The following RESF1 variants were observed in gnomAD, a reference collection of about 807,000 sequenced individuals.
The protein encoded by RESF1 is gonad expressed transcript.
A neutral mutation model predicts 134.7 loss-of-function variants in RESF1; 65 were observed. That is an observed-to-expected ratio of 0.48 (90% confidence interval 0.40 to 0.59). RESF1 has a LOEUF of 0.59. Among genes scored for constraint, RESF1 ranks in the 20% least tolerant of loss-of-function variants. The pLI is 0.00. For synonymous variants in RESF1, 762 were observed against 702.2 expected (o/e 1.09, Z -1.35); for missense variants, 2,274 against 2,002.7 (o/e 1.14, Z -2.59).
At chr12:31,992,266 C>G (rs574868787) in intron 5 of RESF1, 112 bp from the exon 6 acceptor site, 14 of 928,040 alleles carry the variant, frequency 1.5e-5, no homozygotes, top group Non-Finnish European at 2.3e-5. Flanking sequence ...TGCTTAACTC[C>G]TTGCCTTAAT....
chr12:31,985,398 A>G lies in RESF1; in HGVS notation c.4443A>G (p.Pro1481=), dbSNP rs1165205458. Residue 1481 remains proline, a synonymous_variant, in exon 4 of 6, where the codon CCA becomes CCG. Transcript: ENST00000312561. ...NVPCDSEHMR[P]SKLAVQVESC... ...CATGTGATTCTGAACATATGAGACC[A>G]AGTAAACTTGCCGTGCAGGTTGAAA... The G allele has an allele frequency of 1.2e-6, 2 of 1,604,570 alleles. No homozygotes were observed. The highest frequency in any genetic ancestry group is 1.3e-5 in the African/African-American group (1 of 74,210).
At chr12:31,986,188 A>G (rs1447422990) in intron 4 of RESF1, among the ~76,000 whole-genome samples, 2 of 152,214 alleles carry the variant, frequency 1.3e-5, no homozygotes, top group African/African-American at 4.8e-5. Flanking sequence ...ATGACGAGCT[A>G]TATGTAAAAC....
At chr12:31,972,905 TTTATTCCTTTC>T (rs1439617165) in intron 3 of RESF1, among the ~76,000 whole-genome samples, 6 of 152,200 alleles carry the variant, frequency 3.9e-5, no homozygotes, top group African/African-American at 1.4e-4. Flanking sequence ...GTCTCGTCTT[TTTATTCCTTTC>T]TTATTCCTTA....
At position 31,983,998 on chromosome 12, in the gene RESF1, G is replaced by T; in HGVS notation, c.3043G>T (p.Ala1015Ser). Residue 1015 changes from alanine to serine, a missense_variant, in exon 4 of 6, where the codon GCT becomes TCT. Ala to Ser is a moderately conservative substitution (Grantham distance 99). Transcript: ENST00000312561. ...STANDTCSSA[A>S]IQEDIYPQEI... Reference sequence around the variant, plus strand: ...AGCTAACGATACGTGCTCGTCAGCTGCTATTCAGGAGGATATTTACCCTCA... The same window carrying T: ...AGCTAACGATACGTGCTCGTCAGCTTCTATTCAGGAGGATATTTACCCTCA... The T allele has an allele frequency of 6.2e-7, 1 of 1,613,888 alleles. No homozygotes were observed. The highest frequency in any genetic ancestry group is 8.5e-7 in the Non-Finnish European group (1 of 1,179,948).
In RESF1 at chr12:31,985,024, T is replaced by G. The variant is rs1381058423; in HGVS notation, c.4069T>G (p.Leu1357Val). 2 of 1,591,824 alleles carry G rather than the reference T, an allele frequency of 1.3e-6. No homozygotes were observed. The highest frequency in any genetic ancestry group is 2.3e-5 in the South Asian group (2 of 85,770). The stretch of plus-strand genomic sequence containing the variant: ...GAAGCATAGTTCTTTGGGACAGTCA[T>G]TATCACCAGAAAAGATAAAATTGAA... Reference protein sequence around the residue: ...YKKHSSLGQSLSPEKIKLKLK... With the variant: ...YKKHSSLGQSVSPEKIKLKLK... Residue 1357 changes from leucine (L) to valine (V), a missense_variant, in exon 4 of 6, where the codon TTA becomes GTA. Leu to Val is a conservative substitution (Grantham distance 32). Coordinates refer to ENST00000312561, the MANE Select transcript of RESF1 (RefSeq NM_018169.4).
chr12:31,979,504 G>C lies in RESF1; in HGVS notation c.-78-1374G>C, dbSNP rs143793246. Among the ~76,000 whole-genome samples, 1,211 of 152,084 alleles carry C rather than the reference G, an allele frequency of 8.0e-3. 16 individuals carry two copies. The highest frequency in any genetic ancestry group is 0.027 in the African/African-American group (1,125 of 41,460). On this transcript the variant is annotated intron_variant, in intron 3 of 5. Coordinates refer to ENST00000312561, the MANE Select transcript of RESF1 (RefSeq NM_018169.4). Reference sequence around the variant, plus strand: ...GCACTTCAGTGTGTTCTGTTCACCAGCCCAGAAGCTCGGCTCATCACATCT... The same window carrying C: ...GCACTTCAGTGTGTTCTGTTCACCACCCCAGAAGCTCGGCTCATCACATCT...
At chr12:31,975,274 G>A (rs1939606702) in intron 3 of RESF1, among the ~76,000 whole-genome samples, 1 of 151,844 alleles carries the variant, frequency 6.6e-6, no homozygotes, top group Non-Finnish European at 1.5e-5. Context: ...GAAAAAAAAA[G>A]AAAAAGAAAA....
chr12:31,985,187 T>G lies in RESF1; in HGVS notation c.4232T>G (p.Leu1411Trp). Residue 1411 changes from leucine (L) to tryptophan (W), a missense_variant, in exon 4 of 6, where the codon TTG (leucine) becomes TGG (tryptophan). Transcript: ENST00000312561. ...GCTACATTCAAATTAGGTGACTCTT[T>G]GTCAAACCCAAACGAAAGAGCCATT... is the stretch of plus-strand genomic sequence containing the variant. ...VGATFKLGDS[L>W]SNPNERAIVK... The G allele has an allele frequency of 6.4e-7, 1 of 1,569,940 alleles. No homozygotes were observed. The highest frequency in any genetic ancestry group is 1.2e-5 in the South Asian group (1 of 82,648).
At chr12:31,961,247 G>T (rs963720395) in intron 2 of RESF1, among the ~76,000 whole-genome samples, 1 of 152,210 alleles carries the variant, frequency 6.6e-6, no homozygotes, top group Non-Finnish European at 1.5e-5. Flanking sequence ...CTGGGAGGAT[G>T]CTTCCCGTGC....
intron 5 of RESF1, among the ~76,000 whole-genome samples, chr12:31,987,685 A>G (rs1940005849): frequency 6.6e-6 from 1 of 151,968 alleles, no homozygotes; most frequent in Non-Finnish European, 1.5e-5. Flanking sequence ...GCTGCAGATA[A>G]TATGTAGATG....
intron 2 of RESF1, among the ~76,000 whole-genome samples, chr12:31,966,144 A>G (rs962228314): frequency 2.6e-5 from 4 of 152,086 alleles, no homozygotes; most frequent in African/African-American, 7.2e-5. Flanking sequence ...CACTAACAAT[A>G]GCTAATGAGC....
intron 3 of RESF1, among the ~76,000 whole-genome samples, chr12:31,979,890 C>G (rs73298612): frequency 0.034 from 5,150 of 151,424 alleles, 306 homozygotes; most frequent in African/African-American, 0.12. Context: ...TCCAGCTCCC[C>G]CCACCACTTT....
At chr12:31,989,630 TC>T (rs2120903983) in intron 5 of RESF1, among the ~76,000 whole-genome samples, 1 of 152,102 alleles carries the variant, frequency 6.6e-6, no homozygotes, top group East Asian at 1.9e-4. Flanking sequence ...GGCAGGCAGA[TC>T]GCCTGAGGTC....
chr12:31,984,259 G>A lies in RESF1; in HGVS notation c.3304G>A (p.Asp1102Asn). ...KTSSDSKDPA[D>N]QIQITILSSE... ...CAGTTCTGACTCCAAAGACCCAGCA[G>A]ATCAAATACAAATTACAATATTAAG... is the stretch of plus-strand genomic sequence containing the variant. The change falls in exon 4 of 6, where the codon GAT becomes AAT. Residue 1102 changes from aspartate (D) to asparagine (N), a missense_variant. By Grantham distance (23) the Asp-to-Asn change is conservative (BLOSUM62 1). Coordinates refer to ENST00000312561, the MANE Select transcript of RESF1 (RefSeq NM_018169.4). The A allele has an allele frequency of 6.2e-7, 1 of 1,613,950 alleles. No individual in the cohort carries two copies. The highest frequency in any genetic ancestry group is 8.5e-7 in the Non-Finnish European group (1 of 1,179,988).
Position 31,983,335 on chromosome 12 carries a change from G to C in RESF1, c.2380G>C (p.Glu794Gln). The C allele has an allele frequency of 6.2e-7, 1 of 1,614,096 alleles. No homozygotes were observed. Among genetic ancestry groups the C allele is most frequent in the Non-Finnish European group, 8.5e-7 (1 of 1,180,012 alleles). ...LPETVYPVIK[E>Q]GSVCSLQNQL... ...TGAAACAGTGTATCCCGTTATTAAA[G>C]AAGGCAGTGTTTGTAGTTTACAAAA... The change falls in exon 4 of 6, where the codon GAA becomes CAA. Residue 794 changes from glutamate (E) to glutamine (Q), a missense_variant. Physicochemically the swap from Glu to Gln is conservative, Grantham distance 29. Transcript: ENST00000312561.
chr12:31,962,740 C>T (rs1318957908), intron 2 of RESF1, among the ~76,000 whole-genome samples: 2 of 152,144 alleles, frequency 1.3e-5, no homozygotes, highest in Non-Finnish European at 2.9e-5. Flanking sequence ...GAAACAGAAA[C>T]CATAAGGTGA....
intron 5 of RESF1, among the ~76,000 whole-genome samples, chr12:31,991,689 T>TC (rs1760969194): frequency 6.6e-6 from 1 of 152,170 alleles, no homozygotes; most frequent in African/African-American, 2.4e-5. Flanking sequence ...TCGTGTGATA[T>TC]CGGCTCACTG....
intron 2 of RESF1, among the ~76,000 whole-genome samples, chr12:31,968,106 G>T (rs778667032): frequency 2.0e-5 from 3 of 152,042 alleles, no homozygotes; most frequent in Non-Finnish European, 4.4e-5. Context: ...CTAATTTTTC[G>T]AATGCTTATG....
Position 31,983,356 on chromosome 12 carries a change from C to A in RESF1, c.2401C>A (p.Gln801Lys), listed in dbSNP as rs750023477. Residue 801 changes from glutamine (Q) to lysine (K), a missense_variant, in exon 4 of 6, where the codon CAA (glutamine) becomes AAA (lysine). By Grantham distance (53) the Gln-to-Lys change is moderately conservative. Transcript: ENST00000312561. ...TAAAGAAGGCAGTGTTTGTAGTTTA[C>A]AAAATCAATTGGCAGAAAATGCAAA... ...VIKEGSVCSL[Q>K]NQLAENAKAT... 1.2e-6 allele frequency: 2 copies of A among 1,614,014 alleles called. No homozygotes were observed. Among genetic ancestry groups the A allele is most frequent in the South Asian group, 2.2e-5 (2 of 91,084 alleles).
Sources: gnomAD v4.1 joint callset for allele counts (sites outside exome capture counted in the v4.1 genomes callset) on GRCh38, gnomAD v4.1.1 for gene constraint, MANE v1.5 for transcripts, NCBI Gene and HGNC (gene_info 2026-07-23, HGNC 2026-07-21) for gene names.